ATAD5: variants seen among roughly 807,000 people sequenced by gnomAD.
ATAD5 encodes ATPase family AAA domain containing 5, also known as ATPase family AAA domain-containing protein 5.
ATAD5 carries 58 observed loss-of-function variants against 176.9 expected under a neutral mutation model. That is an observed-to-expected ratio of 0.33 (90% CI 0.27 to 0.41). The LOEUF (loss-of-function observed/expected upper bound fraction) is 0.41. Among genes scored for constraint, ATAD5 ranks in the 10% least tolerant of loss-of-function variants. ATAD5 has a pLI of 1.00. For missense variants in ATAD5, 1,789 were observed against 2,094.1 expected, an observed-to-expected ratio of 0.85 and a Z score of 2.84; for synonymous variants, 640 against 712.6, an observed-to-expected ratio of 0.90 and a Z score of 1.62.
rs577737918 is a variant in ATAD5 at position 30,861,539 on chromosome 17, A to T, written c.3136+927A>T. Among the ~76,000 whole-genome samples, 7 of 151,126 alleles carry T rather than the reference A, an allele frequency of 4.6e-5. No homozygotes were observed. In the East Asian group the frequency reaches 1.2e-3, roughly 25 times the overall value. On this transcript the variant is annotated intron_variant, in intron 10 of 22. Coordinates refer to ENST00000321990, the MANE Select transcript of ATAD5 (RefSeq NM_024857.5). The stretch of plus-strand genomic sequence containing the variant: ...ATGTGCTTTTATTTTTTTATTTTTT[A>T]TTTTTTGAGACAGCATCTCTCTCCG...
intron 19 of ATAD5, among the ~76,000 whole-genome samples, chr17:30,888,430 G>C (rs1909436165): frequency 6.6e-6 from 1 of 151,900 alleles, no homozygotes; most frequent in Admixed American, 6.6e-5. Flanking sequence ...TGTGGTCCTA[G>C]CTACTTGGGA....
At chr17:30,876,783 T>G (rs1489206721) in intron 15 of ATAD5, among the ~76,000 whole-genome samples, 1 of 149,564 alleles carries the variant, frequency 6.7e-6, no homozygotes, top group African/African-American at 2.5e-5. Context: ...GTGGCACAAT[T>G]TTGGCTCACT....
chr17:30,850,819 ATATTTATATATTTT>A lies in ATAD5; in HGVS notation c.2451-4320_2451-4307del, dbSNP rs1273112473. Among the ~76,000 whole-genome samples the A allele has an allele frequency of 1.9e-3, 131 of 68,414 alleles. 3 individuals are homozygous for A. The highest frequency in any genetic ancestry group is 0.01 in the African/African-American group (129 of 12,578). 44.9% of individuals were successfully genotyped at this position (68,414 alleles called of 152,430 possible). ...CATTATTTTAAAGAAATTATTATTT[ATATTTATATATTTT>A]TATATATATATATATATATATATAT... is the stretch of plus-strand genomic sequence containing the variant. On this transcript the variant is annotated intron_variant, in intron 6 of 22. Transcript: ENST00000321990.
Position 30,892,800 on chromosome 17 carries a change from G to A in ATAD5, c.4440+12G>A, listed in dbSNP as rs369501332. 27 of 1,514,086 alleles carry A rather than the reference G, an allele frequency of 1.8e-5. No homozygotes were observed. The highest frequency in any genetic ancestry group is 2.4e-5 in the East Asian group (1 of 42,218). 93.8% of individuals were successfully genotyped at this position (1,514,086 alleles called of 1,614,324 possible). A position where few individuals can be genotyped will look rare whatever the true frequency, so the allele number is the denominator to read the frequency against. ...TTTCATTTTTAAAGGTATTTTCAAT[G>A]TCTGTTTTGCAATGTTGAATTTATA... On this transcript the variant is annotated intron_variant, in intron 20 of 22. Coordinates refer to ENST00000321990, the MANE Select transcript of ATAD5 (RefSeq NM_024857.5).
In ATAD5 at chr17:30,865,760, G is replaced by T; in HGVS notation, c.3193G>T (p.Glu1065Ter). 1 of 1,594,232 alleles carries T rather than the reference G, an allele frequency of 6.3e-7. No individual in the cohort carries two copies. The highest frequency in any genetic ancestry group is 1.2e-5 in the South Asian group (1 of 86,696). Residue 1065 changes from glutamate (E) to a stop codon, truncating the protein, a stop_gained, in exon 11 of 23, where the codon GAA becomes TAA. Transcript: ENST00000321990. LOFTEE classifies it high-confidence loss of function. ...TEKYQPQTAS[E>*]LIGNELAIKK... ...AAAGTATCAACCTCAGACTGCCAGT[G>T]AACTTATAGGAAATGAGTTAGCTAT...
chr17:30,840,929 G>A, intron 4 of ATAD5, 148 bp downstream of exon 4: 1 of 774,746 alleles, frequency 1.3e-6, no homozygotes, highest in Non-Finnish European at 1.9e-6. Flanking sequence ...TGCTTTAAAA[G>A]CCTTCTGCTT....
rs1905675734 is a variant in ATAD5, at chr17:30,835,542, T to C, written c.1461T>C (p.Asp487=). 3 of 1,610,814 alleles carry C rather than the reference T, an allele frequency of 1.9e-6. No individual in the cohort carries two copies. Among genetic ancestry groups the C allele is most frequent in the Admixed American group, 1.7e-5 (1 of 59,410 alleles). The stretch of plus-strand genomic sequence containing the variant: ...AGAAGAAGAATAAGAAAACATTAGA[T>C]ACTGGGGCTATTCCAGGCAAAAACA... ...KLKKKNKKTL[D]TGAIPGKNRE... is the part of the protein sequence containing the mutation. The change falls in exon 2 of 23, where the codon GAT becomes GAC. Residue 487 remains aspartate, a synonymous_variant. Coordinates refer to ENST00000321990, the MANE Select transcript of ATAD5 (RefSeq NM_024857.5).
chr17:30,859,445 T>C (rs182260002), intron 9 of ATAD5, among the ~76,000 whole-genome samples: 4 of 152,218 alleles, frequency 2.6e-5, no homozygotes, highest in Admixed American at 2.6e-4. Flanking sequence ...GTGCAACCTC[T>C]GCCTCCCAGA....
chr17:30,892,886 G>C (rs1909712915), intron 20 of ATAD5, 98 bp downstream of exon 20: 2 of 1,091,080 alleles, frequency 1.8e-6, no homozygotes, highest in South Asian at 3.6e-5. Context: ...TAACTTAAAT[G>C]TGCCTATAAT....
intron 10 of ATAD5, chr17:30,864,344 AC>A (rs1430232265): frequency 2.0e-5 from 3 of 152,136 alleles, no homozygotes; most frequent in Non-Finnish European, 4.4e-5. Flanking sequence ...AAAGAAAAAA[AC>A]TATTTATTTT....
chr17:30,883,635 C>T (rs562580837), intron 18 of ATAD5, among the ~76,000 whole-genome samples: 2 of 151,832 alleles, frequency 1.3e-5, no homozygotes, highest in South Asian at 4.2e-4. Context: ...CAAGCTCCAC[C>T]TCCCAGGTTC....
At chr17:30,885,706 T>C (rs1909288032) in intron 18 of ATAD5, among the ~76,000 whole-genome samples, 1 of 144,758 alleles carries the variant, frequency 6.9e-6, no homozygotes, top group Non-Finnish European at 1.5e-5. Context: ...CAATTTCGGC[T>C]CACTGCAACC....
At chr17:30,859,290 C>T (rs575461531) in intron 9 of ATAD5, among the ~76,000 whole-genome samples, 1 of 152,186 alleles carries the variant, frequency 6.6e-6, no homozygotes, top group Non-Finnish European at 1.5e-5. Context: ...GTATAAAAGA[C>T]AGTCTAAGTA....
intron 14 of ATAD5, among the ~76,000 whole-genome samples, chr17:30,871,698 C>T (rs947045836): frequency 3.3e-5 from 5 of 152,084 alleles, no homozygotes; most frequent in East Asian, 1.9e-4. Flanking sequence ...ATTATTCCCT[C>T]TTTCATTATG....
rs542076041 is a variant in ATAD5, at chr17:30,883,379, A to G, written c.4078-3813A>G. Reference sequence around the variant, plus strand: ...TGAGCTCAAGTAATACTCCTGCCTCAGCCTCCCGAAGTGCTGGTATTACAT... The same window carrying G: ...TGAGCTCAAGTAATACTCCTGCCTCGGCCTCCCGAAGTGCTGGTATTACAT... On this transcript the variant is annotated intron_variant, in intron 18 of 22. Coordinates refer to ENST00000321990, the MANE Select transcript of ATAD5 (RefSeq NM_024857.5). 2.6e-5 allele frequency among the ~76,000 whole-genome samples: 4 copies of G among 152,224 alleles called. No individual in the cohort carries two copies. In the East Asian group the frequency reaches 7.7e-4, roughly 29 times the overall value.
At chr17:30,858,068 G>GCC in intron 8 of ATAD5, 93 bp from the exon 9 acceptor site, 1 of 1,179,220 alleles carries the variant, frequency 8.5e-7, no homozygotes, top group South Asian at 2.3e-5. Context: ...CGTTGATACT[G>GCC]ATTTATGATG....
intron 14 of ATAD5, among the ~76,000 whole-genome samples, chr17:30,874,607 C>CTATT (rs200064158): frequency 0.076 from 10,164 of 133,118 alleles, 453 homozygotes; most frequent in South Asian, 0.12. Flanking sequence ...ATCTGTTCAA[C>CTATT]TATTTATTTA....
chr17:30,893,311 G>A lies in ATAD5; in HGVS notation c.4458G>A (p.Lys1486=). ...TTTTTCAGCACAAAATCACAATGAA[G>A]GAAGAATGGCATAAATTCATCCAGC... is the stretch of plus-strand genomic sequence containing the variant. ...FSFLKHKITM[K]EEWHKFIQLL... is the part of the protein sequence containing the mutation. The change falls in exon 21 of 23, where the codon AAG becomes AAA. Residue 1486 remains lysine (K), a synonymous_variant. Transcript: ENST00000321990. 6.4e-7 allele frequency: 1 copy of A among 1,574,444 alleles called. No individual in the cohort carries two copies. The highest frequency in any genetic ancestry group is 1.4e-5 in the African/African-American group (1 of 72,944).
chr17:30,847,327 TAGAGAGAGAG>T (rs891308590), intron 6 of ATAD5, among the ~76,000 whole-genome samples: 1 of 150,464 alleles, frequency 6.6e-6, no homozygotes, highest in African/African-American at 2.4e-5. Context: ...TATATATATA[TAGAGAGAGAG>T]AGAGAGAGAG....
Sources: allele counts gnomAD v4.1 joint callset (sites outside exome capture counted in the v4.1 genomes callset), GRCh38; gene constraint gnomAD v4.1.1; transcripts MANE v1.5; gene names NCBI Gene and HGNC (gene_info 2026-07-23, HGNC 2026-07-21).